Variants in UGGT2 observed in about 807,000 individuals in gnomAD.
The protein encoded by UGGT2 is UDP-glucose:glycoprotein glucosyltransferase 2.
In UGGT2, 180 loss-of-function variants were observed where a neutral mutation model predicts 192.1. The observed-to-expected ratio is 0.94, with a 90% confidence interval of 0.83 to 1.06. The LOEUF (loss-of-function observed/expected upper bound fraction) is 1.06, where lower values mean the gene tolerates loss of function less well. Ranked by LOEUF, UGGT2 falls within the 50% of genes least tolerant of loss-of-function variation. The probability of loss-of-function intolerance (pLI) is 0.00; values close to 1 mark genes in which losing one functional copy is unlikely to be tolerated. For missense variants in UGGT2, 1,849 were observed against 1,795.7 expected, an observed-to-expected ratio of 1.03 and a Z score of -0.54; for synonymous variants, 580 against 591.0, an observed-to-expected ratio of 0.98 and a Z score of 0.27.
intron 7 of UGGT2, among the ~76,000 whole-genome samples, chr13:95,992,320 T>C (rs528611847): frequency 5.3e-4 from 81 of 152,342 alleles, no homozygotes; most frequent in African/African-American, 1.8e-3. Flanking sequence ...TTCCAATCCA[T>C]GAGCATGGAA....
At chr13:96,034,858 T>C (rs894852654) in intron 1 of UGGT2, among the ~76,000 whole-genome samples, 1 of 152,196 alleles carries the variant, frequency 6.6e-6, no homozygotes, top group African/African-American at 2.4e-5. Context: ...ACCGCCGCCC[T>C]GCACCTGGCT....
At chr13:95,995,907 T>C in intron 7 of UGGT2, 156 bp downstream of exon 7, 2 of 640,146 alleles carry the variant, frequency 3.1e-6, no homozygotes, top group South Asian at 3.7e-5. Flanking sequence ...ATTAGCCATG[T>C]GTTACTTCTG....
intron 38 of UGGT2, among the ~76,000 whole-genome samples, chr13:95,805,680 C>CA (rs1226256773): frequency 6.6e-6 from 1 of 151,670 alleles, no homozygotes; most frequent in Non-Finnish European, 1.5e-5. Flanking sequence ...CAGCCAGTCA[C>CA]AAAAAAATAA....
intron 38 of UGGT2, among the ~76,000 whole-genome samples, chr13:95,826,788 C>G (rs1886089565): frequency 6.8e-6 from 1 of 146,286 alleles, no homozygotes; most frequent in Non-Finnish European, 1.5e-5. Context: ...AATCCTTTCT[C>G]TGACCATCCC....
chr13:95,921,541 G>GA (rs929193230), intron 20 of UGGT2, among the ~76,000 whole-genome samples: 3 of 151,538 alleles, frequency 2.0e-5, no homozygotes, highest in African/African-American at 7.3e-5. Flanking sequence ...ATTCAAAAAA[G>GA]AAACATTAAC....
At chr13:95,802,044 A>G (rs1018540681) in intron 38 of UGGT2, among the ~76,000 whole-genome samples, 1 of 152,206 alleles carries the variant, frequency 6.6e-6, no homozygotes, top group Non-Finnish European at 1.5e-5. Flanking sequence ...GTGAGCTCCC[A>G]TGAGTCTATG....
At chr13:95,990,567 AAAT>A (rs1366752632) in intron 7 of UGGT2, 4 of 152,250 alleles carry the variant, frequency 2.6e-5, no homozygotes, top group Admixed American at 1.3e-4. Flanking sequence ...TTAGAGAGCC[AAAT>A]AATGATGTAG....
chr13:95,947,002 C>A, intron 15 of UGGT2, 35 bp downstream of exon 15: 6 of 1,496,986 alleles, frequency 4.0e-6, no homozygotes, highest in South Asian at 1.4e-5. Context: ...AGAATTTTAC[C>A]TTCTAAACAA....
chr13:95,940,246 C>G (rs2049622240), intron 15 of UGGT2, among the ~76,000 whole-genome samples, 155 bp from the exon 16 acceptor site: 1 of 151,682 alleles, frequency 6.6e-6, no homozygotes, highest in East Asian at 1.9e-4. Flanking sequence ...AACCATATAT[C>G]ATCTTTTAAT....
chr13:95,891,239 A>G (rs1013175633), intron 24 of UGGT2, among the ~76,000 whole-genome samples: 2 of 152,112 alleles, frequency 1.3e-5, no homozygotes, highest in African/African-American at 4.8e-5. Context: ...AACTCTGATA[A>G]TTTTAGGCCC....
intron 22 of UGGT2, among the ~76,000 whole-genome samples, chr13:95,897,093 G>T (rs957607599): frequency 3.3e-5 from 5 of 151,950 alleles, no homozygotes; most frequent in African/African-American, 1.2e-4. Flanking sequence ...TTCAAATATT[G>T]AGAGAAAATA....
At chr13:95,900,737 G>A in intron 22 of UGGT2, 70 bp downstream of exon 22, 1 of 1,473,768 alleles carries the variant, frequency 6.8e-7, no homozygotes, top group African/African-American at 1.4e-5. Flanking sequence ...GGGGAATTGT[G>A]ACAGAAAAAA....
chr13:95,932,910 C>A (rs2049336419), intron 17 of UGGT2, among the ~76,000 whole-genome samples: 1 of 152,152 alleles, frequency 6.6e-6, no homozygotes, highest in Non-Finnish European at 1.5e-5. Context: ...TAATGTTGAA[C>A]CAACCTTTCT....
In UGGT2 at chr13:95,940,515, G is replaced by A. The variant is rs374357465; in HGVS notation, c.1678-424C>T. Among the ~76,000 whole-genome samples, 5 of 139,336 alleles carry A rather than the reference G, an allele frequency of 3.6e-5. No individual in the cohort carries two copies. The East Asian group carries it at 1.1e-3, about 30-fold the overall frequency. 91.4% of individuals were successfully genotyped at this position (139,336 alleles called of 152,430 possible). A position where few individuals can be genotyped will look rare whatever the true frequency, so the allele number is the denominator to read the frequency against. On this transcript the variant is annotated intron_variant, in intron 15 of 38. Coordinates refer to ENST00000376747, the MANE Select transcript of UGGT2 (RefSeq NM_020121.4). ...ATTGACTAGGCTGGAATGCAGTGGT[G>A]TGATCATGGCTCACTGCAGCTTCAA...
chr13:95,868,484 C>G (rs892715570), intron 29 of UGGT2, among the ~76,000 whole-genome samples: 1 of 152,074 alleles, frequency 6.6e-6, no homozygotes, highest in African/African-American at 2.4e-5. Flanking sequence ...GTGGTCCCAG[C>G]TAGTCAGGAG....
At chr13:95,901,795 A>G (rs1457606259) in intron 21 of UGGT2, among the ~76,000 whole-genome samples, 1 of 152,028 alleles carries the variant, frequency 6.6e-6, no homozygotes, top group Non-Finnish European at 1.5e-5. Flanking sequence ...GTAGGCCCTG[A>G]TCTTTACCTC....
intron 1 of UGGT2, among the ~76,000 whole-genome samples, chr13:96,043,709 G>A (rs2053228626): frequency 6.6e-6 from 1 of 151,910 alleles, no homozygotes. Flanking sequence ...GCGAGCAAGA[G>A]TAGCTATTCT....
chr13:95,930,924 A>G (rs1291771054), intron 17 of UGGT2, among the ~76,000 whole-genome samples: 1 of 152,144 alleles, frequency 6.6e-6, no homozygotes, highest in African/African-American at 2.4e-5. Context: ...CACGGACCCA[A>G]AGACTGAGCA....
intron 10 of UGGT2, among the ~76,000 whole-genome samples, chr13:95,976,147 G>A (rs2050931103): frequency 6.6e-6 from 1 of 152,100 alleles, no homozygotes; most frequent in African/African-American, 2.4e-5. Context: ...CATGAGATCA[G>A]TGTTTTTAGC....
Sources: gnomAD v4.1 joint callset for allele counts (sites outside exome capture counted in the v4.1 genomes callset) on GRCh38, gnomAD v4.1.1 for gene constraint, MANE v1.5 for transcripts, NCBI Gene and HGNC (gene_info 2026-07-23, HGNC 2026-07-21) for gene names.